FAT3: variants seen among roughly 807,000 people sequenced by gnomAD.
FAT3 encodes the protein protocadherin Fat 3.
FAT3 carries 95 observed loss-of-function variants against 310.2 expected under a neutral mutation model. That is an observed-to-expected ratio of 0.31 (90% CI 0.26 to 0.36). The LOEUF is 0.36. Ranked by LOEUF, FAT3 falls within the 10% of genes least tolerant of loss-of-function variation. FAT3 has a pLI of 1.00. For synonymous variants in FAT3, 2,314 were observed against 2,192.9 expected (o/e 1.06, Z -1.54); for missense variants, 5,408 against 5,715.6 (o/e 0.95, Z 1.74).
chr11:92,469,909 A>G (rs1440532262), intron 2 of FAT3, among the ~76,000 whole-genome samples: 1 of 152,264 alleles, frequency 6.6e-6, no homozygotes, highest in Non-Finnish European at 1.5e-5. Context: ...CTTTTAATCA[A>G]GACTTTAGAG....
intron 2 of FAT3, among the ~76,000 whole-genome samples, chr11:92,457,583 A>C (rs1426859981): frequency 6.6e-6 from 1 of 152,218 alleles, no homozygotes; most frequent in Admixed American, 6.5e-5. Flanking sequence ...AAATTAGCTT[A>C]ATCTCCCAAA....
At chr11:92,555,870 T>C (rs1462229946) in intron 3 of FAT3, among the ~76,000 whole-genome samples, 1 of 152,216 alleles carries the variant, frequency 6.6e-6, no homozygotes, top group Non-Finnish European at 1.5e-5. Context: ...TTCTATAGCC[T>C]ATTGGTTAAG....
intron 3 of FAT3, among the ~76,000 whole-genome samples, chr11:92,546,502 G>T (rs1954623067): frequency 6.6e-6 from 1 of 152,130 alleles, no homozygotes; most frequent in South Asian, 2.1e-4. Flanking sequence ...AAGTAAGAAG[G>T]GAGGTTGAGG....
chr11:92,565,326 G>C (rs1591458015), intron 3 of FAT3, among the ~76,000 whole-genome samples: 1 of 147,076 alleles, frequency 6.8e-6, no homozygotes, highest in Non-Finnish European at 1.5e-5. Flanking sequence ...ACTCTCCCAA[G>C]ACTAAACCAG....
At chr11:92,501,904 AG>A (rs2135275761) in intron 2 of FAT3, among the ~76,000 whole-genome samples, 1 of 152,070 alleles carries the variant, frequency 6.6e-6, no homozygotes, top group East Asian at 1.9e-4. Context: ...ATGTACTAAA[AG>A]GAGAGGATGC....
intron 3 of FAT3, among the ~76,000 whole-genome samples, chr11:92,580,792 G>C (rs1938750556): frequency 6.6e-6 from 1 of 152,002 alleles, no homozygotes; most frequent in African/African-American, 2.4e-5. Context: ...TTCTCTTGGG[G>C]ATATGTGGCT....
intron 3 of FAT3, among the ~76,000 whole-genome samples, chr11:92,526,136 T>C (rs1953852980): frequency 6.6e-6 from 1 of 152,160 alleles, no homozygotes; most frequent in South Asian, 2.1e-4. Context: ...GGGCTCAGAT[T>C]TGGAGCCTTG....
At chr11:92,586,971 A>C (rs1357438591) in intron 3 of FAT3, among the ~76,000 whole-genome samples, 1 of 152,036 alleles carries the variant, frequency 6.6e-6, no homozygotes. Flanking sequence ...AAATGTGAGA[A>C]GCATGGCAGA....
At chr11:92,876,612 G>T (rs1398197501) in intron 22 of FAT3, among the ~76,000 whole-genome samples, 1 of 152,132 alleles carries the variant, frequency 6.6e-6, no homozygotes, top group East Asian at 1.9e-4. Flanking sequence ...TTCCCTCTGT[G>T]TTTCTTGCTG....
At chr11:92,775,322 C>A (rs942455815) in intron 7 of FAT3, among the ~76,000 whole-genome samples, 15 of 152,138 alleles carry the variant, frequency 9.9e-5, no homozygotes, top group Non-Finnish European at 1.5e-4. Flanking sequence ...TAGCCAGCTG[C>A]CTCTTAGTTT....
rs1938582878 is a variant in FAT3, at chr11:92,578,053, A to G, written c.3607+53105A>G. On this transcript the variant is annotated intron_variant, in intron 3 of 27. Transcript: ENST00000525166. ...CAACAAATATTTATAGTGTTCCTAT[A>G]GTATGCACAGTATGACGGGACTCAT... 3.3e-5 allele frequency among the ~76,000 whole-genome samples: 5 copies of G among 152,292 alleles called. 1 individual carries two copies. In the South Asian group the frequency reaches 1.0e-3, roughly 32 times the overall value.
intron 2 of FAT3, among the ~76,000 whole-genome samples, chr11:92,490,772 A>G (rs1257768173): frequency 6.6e-6 from 1 of 152,118 alleles, no homozygotes; most frequent in African/African-American, 2.4e-5. Flanking sequence ...TTCATAAAAC[A>G]TTTTCTCACA....
intron 2 of FAT3, among the ~76,000 whole-genome samples, chr11:92,386,211 G>A (rs889997026): frequency 1.3e-5 from 2 of 152,120 alleles, no homozygotes; most frequent in African/African-American, 4.8e-5. Flanking sequence ...TATTATTTTG[G>A]GTCAACAACC....
At chr11:92,867,801 G>C (rs1444367789) in intron 22 of FAT3, among the ~76,000 whole-genome samples, 1 of 152,152 alleles carries the variant, frequency 6.6e-6, no homozygotes, top group Non-Finnish European at 1.5e-5. Context: ...AGAATAAGGA[G>C]AAGGGAATTT....
chr11:92,289,291 A>T (rs1011362121), intron 1 of FAT3, among the ~76,000 whole-genome samples: 1 of 151,980 alleles, frequency 6.6e-6, no homozygotes, highest in Non-Finnish European at 1.5e-5. Flanking sequence ...TCTAACCTAT[A>T]TTTTAGTACA....
At chr11:92,455,609 CT>C (rs1951474952) in intron 2 of FAT3, among the ~76,000 whole-genome samples, 1 of 152,088 alleles carries the variant, frequency 6.6e-6, no homozygotes, top group Admixed American at 6.6e-5. Context: ...TGAATATGGT[CT>C]TTTTCATGGG....
rs112066711 is a variant in FAT3, at chr11:92,492,527, C to G, written c.3293-32107C>G. ...AGTAGATTTGCTAAATAAATGGTAG[C>G]TTTATTATTATTGCTACTATGACAA... On this transcript the variant is annotated intron_variant, in intron 2 of 27. Transcript: ENST00000525166. 2.0e-3 allele frequency among the ~76,000 whole-genome samples: 304 copies of G among 152,126 alleles called. 1 individual carries two copies. The highest frequency in any genetic ancestry group is 6.8e-3 in the African/African-American group (284 of 41,526).
Position 92,669,953 on chromosome 11 carries a change from C to T in FAT3, c.3608-27431C>T, listed in dbSNP as rs567761306. The stretch of plus-strand genomic sequence containing the variant: ...AGGAAAATTAATCGGAAGTCCAAGA[C>T]CTAATTTTGCCACCAGTTGGCCACA... On this transcript the variant is annotated intron_variant, in intron 3 of 27. Transcript: ENST00000525166. Among the ~76,000 whole-genome samples the T allele has an allele frequency of 3.3e-5, 5 of 152,300 alleles. No homozygotes were observed. In the East Asian group the frequency reaches 9.7e-4, roughly 29 times the overall value.
intron 3 of FAT3, among the ~76,000 whole-genome samples, chr11:92,620,573 C>T (rs1941039349): frequency 6.6e-6 from 1 of 152,112 alleles, no homozygotes; most frequent in Non-Finnish European, 1.5e-5. Flanking sequence ...TTCAGTCAAA[C>T]CGTCTTCTAA....
Sources: gnomAD v4.1 joint callset for allele counts (sites outside exome capture counted in the v4.1 genomes callset) on GRCh38, gnomAD v4.1.1 for gene constraint, MANE v1.5 for transcripts, NCBI Gene and HGNC (gene_info 2026-07-23, HGNC 2026-07-21) for gene names.